The following THADA variants were observed in gnomAD, a reference collection of about 807,000 sequenced individuals.
THADA encodes the protein THADA armadillo repeat containing.
In THADA, 213 loss-of-function variants were observed where a neutral mutation model predicts 219.8. That is an observed-to-expected ratio of 0.97 (90% CI 0.87 to 1.09). The LOEUF (loss-of-function observed/expected upper bound fraction) is 1.09. THADA is among the 50% of genes least tolerant of loss of function. THADA has a pLI of 0.00. For synonymous variants in THADA, 1,018 were observed against 828.9 expected, an observed-to-expected ratio of 1.23 and a Z score of -3.92; for missense variants, 2,956 against 2,311.3, an observed-to-expected ratio of 1.28 and a Z score of -5.72.
At chr2:43,378,079 T>C (rs149833430) in intron 29 of THADA, among the ~76,000 whole-genome samples, 2,196 of 152,172 alleles carry the variant, frequency 0.014, 17 homozygotes, top group Non-Finnish European at 0.023. Context: ...AAGAAAAAAT[T>C]AATAGAAAAC....
intron 29 of THADA, among the ~76,000 whole-genome samples, chr2:43,361,144 AT>A (rs1408641507): frequency 6.6e-6 from 1 of 152,146 alleles, no homozygotes; most frequent in Non-Finnish European, 1.5e-5. Flanking sequence ...ACAACCAAGA[AT>A]CCAGCCCAAA....
At chr2:43,367,218 GT>G (rs1282471972) in intron 29 of THADA, among the ~76,000 whole-genome samples, 1 of 152,154 alleles carries the variant, frequency 6.6e-6, no homozygotes, top group Non-Finnish European at 1.5e-5. Flanking sequence ...TGGGTATAGA[GT>G]TTCAGTTCTG....
chr2:43,431,988 C>G (rs919309133), intron 26 of THADA, among the ~76,000 whole-genome samples: 3 of 125,606 alleles, frequency 2.4e-5, no homozygotes, highest in Admixed American at 1.5e-4. Flanking sequence ...TCCCAAGTAG[C>G]TGGGACTACA....
chr2:43,592,241 T>C (rs543550005), intron 2 of THADA, 76 bp downstream of exon 2: 72 of 1,111,282 alleles, frequency 6.5e-5, no homozygotes, highest in Non-Finnish European at 9.1e-5. Context: ...TATTATATGC[T>C]AGGGGTCCCA....
At chr2:43,482,334 G>A (rs1686326767) in intron 26 of THADA, among the ~76,000 whole-genome samples, 1 of 152,052 alleles carries the variant, frequency 6.6e-6, no homozygotes, top group South Asian at 2.1e-4. Flanking sequence ...AGGATCCTCT[G>A]CTCCTTTCTT....
intron 22 of THADA, among the ~76,000 whole-genome samples, chr2:43,522,833 G>C (rs1168054489): frequency 1.3e-5 from 2 of 152,050 alleles, no homozygotes; most frequent in South Asian, 2.1e-4. Flanking sequence ...GAAATTAAAA[G>C]GATTTTTCTC....
chr2:43,543,144 G>C (rs1192330437), intron 20 of THADA, among the ~76,000 whole-genome samples: 1 of 150,008 alleles, frequency 6.7e-6, no homozygotes, highest in Non-Finnish European at 1.5e-5. Context: ...TTGTTCTTGC[G>C]ATAGTTTACT....
chr2:43,289,756 A>C (rs1346641641), intron 34 of THADA, among the ~76,000 whole-genome samples: 1 of 151,902 alleles, frequency 6.6e-6, no homozygotes, highest in East Asian at 1.9e-4. Context: ...GGTTCAAGCG[A>C]TCCTCCTGCC....
chr2:43,280,107 G>A (rs58724203), intron 35 of THADA, among the ~76,000 whole-genome samples: 1,570 of 152,232 alleles, frequency 0.01, 26 homozygotes, highest in African/African-American at 0.036. Context: ...CTTTTTTGGG[G>A]GTGAGGATGT....
chr2:43,291,650 G>A, intron 34 of THADA, 46 bp downstream of exon 34: 1 of 1,464,172 alleles, frequency 6.8e-7, no homozygotes, highest in South Asian at 1.3e-5. Context: ...GAGTAAATGA[G>A]AACAAAAAAT....
At chr2:43,407,614 C>A (rs898540737) in intron 28 of THADA, among the ~76,000 whole-genome samples, 12 of 152,086 alleles carry the variant, frequency 7.9e-5, no homozygotes, top group African/African-American at 2.9e-4. Context: ...GCTCAACATA[C>A]ACCAATTCTA....
chr2:43,541,209 G>C lies in THADA; in HGVS notation c.3214C>G (p.Pro1072Ala), dbSNP rs1482289203. Residue 1072 changes from proline (P) to alanine (A), a missense_variant, in exon 21 of 38, where the codon CCC becomes GCC. Coordinates refer to ENST00000405975, the MANE Select transcript of THADA (RefSeq NM_022065.5). Reference sequence around the variant, plus strand: ...GAAGATTCTGGCACAGGCTGCATGGGCAGAAGCTGGCACAACATGCCTAAA... The same window carrying C: ...GAAGATTCTGGCACAGGCTGCATGGCCAGAAGCTGGCACAACATGCCTAAA... ...LLLGMLCQLL[P>A]MQPVPESSDG... is the part of the protein sequence containing the mutation. The C allele has an allele frequency of 6.2e-7, 1 of 1,609,264 alleles. No homozygotes were observed. Among genetic ancestry groups the C allele is most frequent in the Non-Finnish European group, 8.5e-7 (1 of 1,178,176 alleles).
At chr2:43,335,724 C>A (rs1666335736) in intron 30 of THADA, among the ~76,000 whole-genome samples, 1 of 149,508 alleles carries the variant, frequency 6.7e-6, no homozygotes, top group Non-Finnish European at 1.5e-5. Flanking sequence ...TTTGGGAGGC[C>A]AAGGCAGGAG....
intron 26 of THADA, among the ~76,000 whole-genome samples, chr2:43,442,508 G>C (rs1309574212): frequency 1.3e-5 from 2 of 152,156 alleles, no homozygotes; most frequent in Non-Finnish European, 2.9e-5. Flanking sequence ...GGATTAAAAA[G>C]GAGAGAAGAC....
At chr2:43,305,987 CTCTG>C (rs1173260190) in intron 31 of THADA, among the ~76,000 whole-genome samples, 4 of 133,842 alleles carry the variant, frequency 3.0e-5, no homozygotes, top group Admixed American at 1.6e-4. Context: ...CTCTCTCTCT[CTCTG>C]TCTTTCTTTT....
At chr2:43,567,453 C>A (rs1369696698) in intron 14 of THADA, among the ~76,000 whole-genome samples, 3 of 151,926 alleles carry the variant, frequency 2.0e-5, no homozygotes, top group Non-Finnish European at 4.4e-5. Flanking sequence ...AACATGAAAC[C>A]CTGTCTCTAC....
At chr2:43,423,194 T>C (rs1438386195) in intron 28 of THADA, among the ~76,000 whole-genome samples, 3 of 152,198 alleles carry the variant, frequency 2.0e-5, no homozygotes, top group African/African-American at 4.8e-5. Flanking sequence ...TTATTTTGAA[T>C]CTTAATTTGC....
chr2:43,358,672 G>T (rs1385466163), intron 29 of THADA, among the ~76,000 whole-genome samples: 1 of 152,166 alleles, frequency 6.6e-6, no homozygotes, highest in Non-Finnish European at 1.5e-5. Flanking sequence ...GGTAATGCAC[G>T]TTACTCTGAG....
intron 34 of THADA, 103 bp from the exon 35 acceptor site, chr2:43,287,164 T>C: frequency 3.9e-6 from 4 of 1,028,916 alleles, no homozygotes; most frequent in Middle Eastern, 2.8e-4. Flanking sequence ...GATTAGCTCT[T>C]AGCTCAATGG....
Sources: allele counts gnomAD v4.1 joint callset (sites outside exome capture counted in the v4.1 genomes callset), GRCh38; gene constraint gnomAD v4.1.1; transcripts MANE v1.5; gene names NCBI Gene and HGNC (gene_info 2026-07-23, HGNC 2026-07-21).